The following DNMBP variants were observed in gnomAD, a reference collection of about 807,000 sequenced individuals.
DNMBP encodes dynamin binding protein.
DNMBP carries 87 observed loss-of-function variants against 150.0 expected under a neutral mutation model. The observed-to-expected ratio is 0.58, with a 90% CI of 0.49 to 0.69. The LOEUF (loss-of-function observed/expected upper bound fraction) is 0.69. DNMBP is among the 30% of genes least tolerant of loss of function. The probability of loss-of-function intolerance (pLI) is 0.00; values close to 1 mark genes in which losing one functional copy is unlikely to be tolerated. For missense variants in DNMBP, 1,774 were observed against 1,949.0 expected (o/e 0.91, Z 1.69); for synonymous variants, 711 against 750.4 (o/e 0.95, Z 0.86).
At chr10:99,896,637 G>T (rs905176516) in intron 9 of DNMBP, among the ~76,000 whole-genome samples, 1 of 152,208 alleles carries the variant, frequency 6.6e-6, no homozygotes, top group Non-Finnish European at 1.5e-5. Flanking sequence ...TTAAGGGAAA[G>T]AACTTAAGGA....
intron 1 of DNMBP, among the ~76,000 whole-genome samples, chr10:100,007,026 G>A (rs1433165365): frequency 6.6e-6 from 1 of 151,852 alleles, no homozygotes; most frequent in Non-Finnish European, 1.5e-5. Flanking sequence ...GAGATGGGAG[G>A]ATCACTTGAG....
chr10:99,955,616 A>C lies in DNMBP; in HGVS notation c.1858T>G (p.Ser620Ala), dbSNP rs2040479366. Residue 620 changes from serine to alanine, a missense_variant, in exon 4 of 17, where the codon TCC becomes GCC. Transcript: ENST00000324109. ...TCAACCAGCAAATGGGGAGAAGTGG[A>C]TACCGGAGTACAGGGACGAGGTGGC... ...PPPPRPCTPV[S>A]TSPHLLVDQN... The C allele has an allele frequency of 6.2e-7, 1 of 1,614,080 alleles. No individual in the cohort carries two copies. The highest frequency in any genetic ancestry group is 8.5e-7 in the Non-Finnish European group (1 of 1,180,046).
chr10:100,006,657 C>T (rs1358334296), intron 1 of DNMBP, among the ~76,000 whole-genome samples: 2 of 152,032 alleles, frequency 1.3e-5, no homozygotes, highest in Non-Finnish European at 2.9e-5. Context: ...CTCCCCACTC[C>T]CACCCCCTCT....
chr10:99,987,905 C>T (rs778335897), intron 1 of DNMBP, among the ~76,000 whole-genome samples: 1 of 152,168 alleles, frequency 6.6e-6, no homozygotes, highest in Admixed American at 6.5e-5. Flanking sequence ...TAACAATTAG[C>T]AAATGCATAT....
At chr10:99,983,964 C>T (rs934397793) in intron 1 of DNMBP, among the ~76,000 whole-genome samples, 2 of 152,166 alleles carry the variant, frequency 1.3e-5, no homozygotes, top group Non-Finnish European at 2.9e-5. Context: ...ATCTAAACCA[C>T]CCGAACACTT....
chr10:99,953,566 T>C (rs532209613), intron 4 of DNMBP, among the ~76,000 whole-genome samples: 71 of 152,214 alleles, frequency 4.7e-4, no homozygotes, highest in African/African-American at 1.7e-3. Flanking sequence ...AGGCATGGTA[T>C]CCCAGCACTT....
intron 4 of DNMBP, among the ~76,000 whole-genome samples, chr10:99,914,581 C>G (rs2039940281): frequency 6.6e-6 from 1 of 152,096 alleles, no homozygotes; most frequent in Non-Finnish European, 1.5e-5. Flanking sequence ...AGTCCCAGGA[C>G]AGCAAGAACA....
intron 1 of DNMBP, among the ~76,000 whole-genome samples, chr10:99,988,676 A>T (rs10786581): frequency 0.47 from 70,840 of 151,606 alleles, 17,541 homozygotes; most frequent in African/African-American, 0.63. Context: ...TTATTTATTT[A>T]TTTGAGACGG....
chr10:99,944,658 T>C (rs1342014317), intron 4 of DNMBP, among the ~76,000 whole-genome samples: 3 of 152,202 alleles, frequency 2.0e-5, no homozygotes, highest in Non-Finnish European at 4.4e-5. Context: ...AAATTGAGTA[T>C]TTCCTGGATG....
At chr10:99,912,498 G>A (rs2039913270) in intron 4 of DNMBP, among the ~76,000 whole-genome samples, 1 of 152,004 alleles carries the variant, frequency 6.6e-6, no homozygotes, top group South Asian at 2.1e-4. Context: ...CCCACCCCCC[G>A]AAAATGGGGT....
intron 1 of DNMBP, among the ~76,000 whole-genome samples, chr10:99,974,355 G>A (rs532691129): frequency 6.6e-6 from 1 of 152,316 alleles, no homozygotes; most frequent in East Asian, 1.9e-4. Flanking sequence ...GGGAACCTAC[G>A]TATGTATTGA....
At chr10:99,971,729 T>C (rs574208150) in intron 2 of DNMBP, among the ~76,000 whole-genome samples, 23 of 151,980 alleles carry the variant, frequency 1.5e-4, no homozygotes, top group African/African-American at 5.3e-4. Flanking sequence ...CATCTCACCA[T>C]GTTGGCCAGG....
chr10:99,917,968 CAAAAA>C (rs749252887), intron 4 of DNMBP, among the ~76,000 whole-genome samples: 1 of 52,262 alleles, frequency 1.9e-5, no homozygotes, highest in Non-Finnish European at 3.9e-5. Context: ...GACTCTGTCT[CAAAAA>C]AAAAAAAAAA....
intron 1 of DNMBP, among the ~76,000 whole-genome samples, chr10:100,008,616 T>C (rs1225453347): frequency 6.6e-6 from 1 of 152,372 alleles, no homozygotes; most frequent in South Asian, 2.1e-4. Flanking sequence ...AATCTTTTCT[T>C]CTTAAAACAT....
Position 99,909,019 on chromosome 10 carries a change from T to C in DNMBP, c.2388A>G (p.Glu796=). ...AKVIEELLQT[E]RDYIRDLEMC... ...TTTCCAGATCCCGAATGTAGTCTCT[T>C]TCTGTCTGAAGAAGTTCTTCTATGA... The change falls in exon 5 of 17, where the codon GAA becomes GAG. Residue 796 remains glutamate, a synonymous_variant. Coordinates refer to ENST00000324109, the MANE Select transcript of DNMBP (RefSeq NM_015221.4). 1 of 1,614,222 alleles carries C rather than the reference T, an allele frequency of 6.2e-7. No homozygotes were observed. The highest frequency in any genetic ancestry group is 1.3e-5 in the African/African-American group (1 of 75,052).
At position 99,888,947 on chromosome 10, in the gene DNMBP, C is replaced by T. The variant is rs368593342; in HGVS notation, c.3163G>A (p.Ala1055Thr). The T allele has an allele frequency of 2.2e-5, 35 of 1,613,926 alleles. No homozygotes were observed. Among genetic ancestry groups the T allele is most frequent in the African/African-American group, 4.0e-5 (3 of 74,914 alleles). ...SLYLQHIRES[A>T]CVKVVAAVSM... is the part of the protein sequence containing the mutation. ...ACAGCAGCCACCACTTTCACACATGCGGACTCCTGGAGCCAGTTAGGACAG... is the reference window on the plus strand; with the variant it reads ...ACAGCAGCCACCACTTTCACACATGTGGACTCCTGGAGCCAGTTAGGACAG... Residue 1055 changes from alanine to threonine, a missense_variant, in exon 12 of 17, where the codon GCA becomes ACA. This residue lies in a region of DNMBP where 1,430 missense variants were observed against 1,492.5 expected (regional missense o/e 0.96). Coordinates refer to ENST00000324109, the MANE Select transcript of DNMBP (RefSeq NM_015221.4).
intron 1 of DNMBP, among the ~76,000 whole-genome samples, chr10:99,993,671 G>A (rs1375965799): frequency 1.3e-5 from 2 of 152,082 alleles, no homozygotes; most frequent in African/African-American, 4.8e-5. Flanking sequence ...GCATGCTGGT[G>A]TGCACCTGTA....
intron 4 of DNMBP, among the ~76,000 whole-genome samples, chr10:99,919,543 A>G (rs2039999462): frequency 6.6e-6 from 1 of 152,250 alleles, no homozygotes. Flanking sequence ...CTGTAATCCC[A>G]GCACTTTGGG....
intron 4 of DNMBP, among the ~76,000 whole-genome samples, chr10:99,926,263 A>T (rs2040076997): frequency 2.0e-5 from 3 of 152,128 alleles, no homozygotes; most frequent in Admixed American, 2.0e-4. Flanking sequence ...ACACTTTACA[A>T]GATTTATTTT....
Sources: gnomAD v4.1 joint callset for allele counts (sites outside exome capture counted in the v4.1 genomes callset) on GRCh38, gnomAD v4.1.1 for gene constraint, gnomAD v4.1.1 regional missense constraint, MANE v1.5 for transcripts, NCBI Gene and HGNC (gene_info 2026-07-23, HGNC 2026-07-21) for gene names.